The following ZZEF1 variants were observed in gnomAD, a reference collection of about 807,000 sequenced individuals.
ZZEF1 encodes zinc finger ZZ-type and EF-hand domain-containing protein 1.
Under a neutral mutation model 342.8 loss-of-function variants are expected in ZZEF1, and 157 were observed. That is an observed-to-expected ratio of 0.46 (90% confidence interval 0.40 to 0.52). ZZEF1 has a LOEUF of 0.52. ZZEF1 is among the 20% of genes least tolerant of loss of function. The pLI, the probability that ZZEF1 is intolerant of heterozygous loss-of-function variation, is 0.00. For synonymous variants in ZZEF1, 1,505 were observed against 1,429.1 expected, an observed-to-expected ratio of 1.05 and a Z score of -1.20; for missense variants, 3,480 against 3,725.6, an observed-to-expected ratio of 0.93 and a Z score of 1.72.
At chr17:4,128,918 G>A (rs928705052) in intron 1 of ZZEF1, among the ~76,000 whole-genome samples, 1 of 151,026 alleles carries the variant, frequency 6.6e-6, no homozygotes, top group African/African-American at 2.4e-5. Context: ...ACAAGCATGC[G>A]CCACCACGCC....
At chr17:4,104,536 A>C in intron 8 of ZZEF1, 97 bp downstream of exon 8, 1 of 1,365,620 alleles carries the variant, frequency 7.3e-7, no homozygotes, top group Non-Finnish European at 1.0e-6. Context: ...ACAACCCAAA[A>C]AGATGAGAAG....
intron 26 of ZZEF1, among the ~76,000 whole-genome samples, chr17:4,068,045 T>G (rs1171837792): frequency 6.6e-6 from 1 of 152,142 alleles, no homozygotes; most frequent in Non-Finnish European, 1.5e-5. Flanking sequence ...GCCCCTGCAC[T>G]CTAGCCTAGG....
intron 42 of ZZEF1, among the ~76,000 whole-genome samples, chr17:4,027,687 TCTC>T (rs2056447309): frequency 6.7e-6 from 1 of 150,206 alleles, no homozygotes; most frequent in Admixed American, 6.6e-5. Context: ...GCAGCCTTGA[TCTC>T]CTCGGCTCAA....
intron 11 of ZZEF1, among the ~76,000 whole-genome samples, chr17:4,091,798 C>T (rs576757301): frequency 1.3e-5 from 2 of 149,396 alleles, no homozygotes; most frequent in African/African-American, 2.5e-5. Flanking sequence ...AAAATAAGGC[C>T]GGGCACGGTG....
At chr17:4,029,764 C>T (rs2056497337) in intron 42 of ZZEF1, among the ~76,000 whole-genome samples, 1 of 151,636 alleles carries the variant, frequency 6.6e-6, no homozygotes, top group Non-Finnish European at 1.5e-5. Flanking sequence ...ATCTCAGCTA[C>T]TCAGGAGGCT....
intron 8 of ZZEF1, 46 bp downstream of exon 8, chr17:4,104,587 G>A: frequency 6.3e-7 from 1 of 1,598,276 alleles, no homozygotes; most frequent in Non-Finnish European, 8.5e-7. Flanking sequence ...TTTACGATTT[G>A]TCCACTGTTG....
At chr17:4,028,177 C>T (rs973175252) in intron 42 of ZZEF1, among the ~76,000 whole-genome samples, 1 of 152,180 alleles carries the variant, frequency 6.6e-6, no homozygotes, top group Non-Finnish European at 1.5e-5. Context: ...ACATTTTCCA[C>T]TCCATTCTTT....
rs1254099884 is a variant in ZZEF1, at chr17:4,074,435, A to T, written c.3484-84T>A. 2.2e-6 allele frequency: 3 copies of T among 1,379,048 alleles called. No individual in the cohort carries two copies. In the African/African-American group the frequency reaches 4.3e-5, roughly 20 times the overall value. The allele number at this position is 1,379,048 out of a possible 1,614,324, so 85.4% of individuals were successfully genotyped here. ...CAGCATGCTCTTCATGACGAGAAAC[A>T]TCTCAGTTTAAAATTGATCTCTATT... On this transcript the variant is annotated intron_variant, in intron 23 of 54. Coordinates refer to ENST00000381638, the MANE Select transcript of ZZEF1 (RefSeq NM_015113.4).
chr17:4,116,716 G>A (rs1207279220), intron 3 of ZZEF1, among the ~76,000 whole-genome samples: 1 of 152,208 alleles, frequency 6.6e-6, no homozygotes, highest in Non-Finnish European at 1.5e-5. Context: ...ACCAGAAGGT[G>A]GGGTAGGGGA....
chr17:4,006,729 C>A lies in ZZEF1; in HGVS notation c.*161G>T. The A allele has an allele frequency of 1.4e-6, 1 of 731,212 alleles. No individual in the cohort carries two copies. Among genetic ancestry groups the A allele is most frequent in the East Asian group, 2.7e-5 (1 of 37,178 alleles). The allele number at this position is 731,212 out of a possible 1,614,324, so 45.3% of individuals were successfully genotyped here. The stretch of plus-strand genomic sequence containing the variant: ...CCTGTGCTTGTGTCCAGCCTACGCA[C>A]GGGAGCTCTTGGAGACGTGGCTGCT... On this transcript the variant is annotated 3_prime_UTR_variant, in exon 55 of 55. Coordinates refer to ENST00000381638, the MANE Select transcript of ZZEF1 (RefSeq NM_015113.4).
chr17:4,095,696 T>G, intron 11 of ZZEF1, 135 bp downstream of exon 11: 1 of 891,300 alleles, frequency 1.1e-6, no homozygotes, highest in Non-Finnish European at 1.6e-6. Context: ...TTATGGCCAC[T>G]GAGATGGATT....
chr17:4,026,155 AG>A (rs1232641871), intron 42 of ZZEF1, among the ~76,000 whole-genome samples: 2 of 152,234 alleles, frequency 1.3e-5, no homozygotes, highest in African/African-American at 4.8e-5. Flanking sequence ...CTGGGGCAGA[AG>A]AAAGAGCTAC....
intron 52 of ZZEF1, among the ~76,000 whole-genome samples, chr17:4,009,991 C>T (rs748410518): frequency 3.9e-5 from 6 of 152,060 alleles, no homozygotes; most frequent in African/African-American, 1.2e-4. Context: ...AACAGGAGGT[C>T]GGAAATGTGC....
intron 34 of ZZEF1, among the ~76,000 whole-genome samples, chr17:4,053,822 GT>G (rs1466840898): frequency 1.3e-5 from 2 of 152,224 alleles, no homozygotes; most frequent in South Asian, 2.1e-4. Flanking sequence ...GGTCCCGAGT[GT>G]TTATTATGTG....
At chr17:4,021,031 A>G (rs937188347) in intron 45 of ZZEF1, 98 bp downstream of exon 45, 21 of 1,310,958 alleles carry the variant, frequency 1.6e-5, no homozygotes, top group Non-Finnish European at 1.4e-5. Flanking sequence ...GACAGCAGAC[A>G]GAAGCATTTT....
At chr17:4,126,380 C>A (rs2058573996) in intron 1 of ZZEF1, among the ~76,000 whole-genome samples, 1 of 152,148 alleles carries the variant, frequency 6.6e-6, no homozygotes, top group Admixed American at 6.5e-5. Context: ...CCTCTGTTCC[C>A]TCCCAAAACC....
chr17:4,063,640 T>A (rs781833), intron 29 of ZZEF1, among the ~76,000 whole-genome samples: 1 of 151,982 alleles, frequency 6.6e-6, no homozygotes, highest in African/African-American at 2.4e-5. Flanking sequence ...TGACTTACTG[T>A]AGCCTCAACC....
intron 37 of ZZEF1, among the ~76,000 whole-genome samples, chr17:4,046,475 C>T (rs1198927661): frequency 6.6e-6 from 1 of 152,230 alleles, no homozygotes; most frequent in Admixed American, 6.5e-5. Context: ...GACTTTCACT[C>T]TTTGGGGCCA....
intron 43 of ZZEF1, 86 bp downstream of exon 43, chr17:4,024,833 T>C: frequency 7.6e-7 from 1 of 1,309,976 alleles, no homozygotes; most frequent in South Asian, 1.2e-5. Flanking sequence ...TCCATCGAAA[T>C]CAGATGGCAT....
Sources: allele counts gnomAD v4.1 joint callset (sites outside exome capture counted in the v4.1 genomes callset), GRCh38; gene constraint gnomAD v4.1.1; transcripts MANE v1.5; gene names NCBI Gene and HGNC (gene_info 2026-07-23, HGNC 2026-07-21).